The following SGMS2 variants were observed in gnomAD, a reference collection of about 807,000 sequenced individuals.
SGMS2 encodes phosphatidylcholine:ceramide cholinephosphotransferase 2.
Under a neutral mutation model 43.8 loss-of-function variants are expected in SGMS2, and 21 were observed. The ratio of observed to expected loss-of-function variants is 0.48; its 90% CI spans 0.34 to 0.69. The LOEUF is 0.69. Ranked by LOEUF, SGMS2 falls within the 30% of genes least tolerant of loss-of-function variation. The pLI, the probability that SGMS2 is intolerant of heterozygous loss-of-function variation, is 0.01. For missense variants in SGMS2, 384 were observed against 443.2 expected (o/e 0.87, Z 1.20); for synonymous variants, 167 against 160.6 (o/e 1.04, Z -0.30).
chr4:107,834,609 A>G (rs1006445163), intron 1 of SGMS2, among the ~76,000 whole-genome samples: 1 of 152,184 alleles, frequency 6.6e-6, no homozygotes, highest in Non-Finnish European at 1.5e-5. Context: ...CAATGTTATT[A>G]TGAAATCCCA....
intron 5 of SGMS2, among the ~76,000 whole-genome samples, chr4:107,906,384 A>T (rs891625210): frequency 6.6e-6 from 1 of 152,190 alleles, no homozygotes; most frequent in African/African-American, 2.4e-5. Flanking sequence ...GTTCATGATA[A>T]AATTAGCCTG....
Position 107,908,578 on chromosome 4 carries a change from C to T in SGMS2, c.741C>T (p.His247=), listed in dbSNP as rs753846430. ...TCTACTGTCCAGATTCGCCTCGTCA[C>T]TTCTGGTGGTATCATTTAATCTGCT... The part of the protein sequence containing the change: ...YLFIKEYSPR[H]FWWYHLICWL... The change falls in exon 6 of 7, where the codon CAC becomes CAT. Residue 247 remains histidine, a synonymous_variant. Transcript: ENST00000690982. 47 of 1,613,372 alleles carry T rather than the reference C, an allele frequency of 2.9e-5. No homozygotes were observed. The highest frequency in any genetic ancestry group is 5.0e-5 in the Admixed American group (3 of 59,892).
chr4:107,849,826 T>A (rs1727038800), intron 1 of SGMS2, among the ~76,000 whole-genome samples: 1 of 152,244 alleles, frequency 6.6e-6, no homozygotes, highest in African/African-American at 2.4e-5. Flanking sequence ...TATTCCATTA[T>A]TATTACATTA....
intron 1 of SGMS2, among the ~76,000 whole-genome samples, chr4:107,830,495 C>T (rs1725830295): frequency 6.6e-6 from 1 of 152,128 alleles, no homozygotes; most frequent in African/African-American, 2.4e-5. Context: ...ATTTACATTC[C>T]CACCAGCAGT....
At chr4:107,908,816 A>G (rs1433595230) in intron 6 of SGMS2, 85 bp downstream of exon 6, 1 of 1,237,242 alleles carries the variant, frequency 8.1e-7, no homozygotes, top group Non-Finnish European at 1.1e-6. Context: ...AGATAGCCTA[A>G]TGGGGATAAC....
chr4:107,850,771 T>C (rs1471858566), intron 1 of SGMS2, among the ~76,000 whole-genome samples: 1 of 152,226 alleles, frequency 6.6e-6, no homozygotes, highest in Non-Finnish European at 1.5e-5. Flanking sequence ...CCATTAGAGC[T>C]TGGGTGGTTT....
intron 1 of SGMS2, among the ~76,000 whole-genome samples, chr4:107,857,389 C>T (rs1218759242): frequency 6.6e-6 from 1 of 151,934 alleles, no homozygotes; most frequent in Admixed American, 6.6e-5. Flanking sequence ...AAGAGTGACA[C>T]ATTTGTTCTT....
chr4:107,875,033 A>G (rs1254836354), intron 2 of SGMS2, among the ~76,000 whole-genome samples: 1 of 152,236 alleles, frequency 6.6e-6, no homozygotes, highest in African/African-American at 2.4e-5. Flanking sequence ...ATAACAGTTT[A>G]AGTTCTAGGA....
intron 1 of SGMS2, among the ~76,000 whole-genome samples, chr4:107,832,030 G>A (rs1052877269): frequency 3.3e-5 from 5 of 152,024 alleles, no homozygotes; most frequent in African/African-American, 7.3e-5. Flanking sequence ...TACTGTCCTC[G>A]CCAGTGCTGT....
chr4:107,883,441 A>G (rs1323287086), intron 2 of SGMS2, among the ~76,000 whole-genome samples: 1 of 152,160 alleles, frequency 6.6e-6, no homozygotes, highest in African/African-American at 2.4e-5. Context: ...CAGCCTCCCA[A>G]GTAGCTGGGA....
chr4:107,862,924 G>A (rs1211796993), intron 2 of SGMS2, among the ~76,000 whole-genome samples: 1 of 152,206 alleles, frequency 6.6e-6, no homozygotes, highest in Non-Finnish European at 1.5e-5. Context: ...TCACTGGGCA[G>A]CCTGATAAAC....
intron 1 of SGMS2, among the ~76,000 whole-genome samples, chr4:107,832,015 A>G (rs999753502): frequency 7.9e-5 from 12 of 152,090 alleles, no homozygotes; most frequent in East Asian, 1.9e-4. Flanking sequence ...AAGAATCACA[A>G]ACCCTACTGT....
chr4:107,897,552 A>C (rs1256540635), intron 3 of SGMS2, among the ~76,000 whole-genome samples: 1 of 152,200 alleles, frequency 6.6e-6, no homozygotes, highest in African/African-American at 2.4e-5. Flanking sequence ...TGTGGACTCC[A>C]CCCTGAAGTA....
At chr4:107,892,234 C>CAA (rs34353350) in intron 2 of SGMS2, among the ~76,000 whole-genome samples, 197 of 74,986 alleles carry the variant, frequency 2.6e-3, no homozygotes, top group Non-Finnish European at 3.6e-3. Context: ...ACTAAAACTC[C>CAA]AAAAAAAAAA....
chr4:107,859,917 G>A (rs1212584055), intron 2 of SGMS2, among the ~76,000 whole-genome samples: 1 of 151,970 alleles, frequency 6.6e-6, no homozygotes, highest in Non-Finnish European at 1.5e-5. Flanking sequence ...AAAAAAAGGT[G>A]CTAGGTTGAT....
intron 2 of SGMS2, among the ~76,000 whole-genome samples, chr4:107,870,636 T>C (rs1276305503): frequency 6.6e-6 from 1 of 152,198 alleles, no homozygotes; most frequent in African/African-American, 2.4e-5. Context: ...CAGAATGTCA[T>C]TTTTGGTTTC....
intron 6 of SGMS2, 47 bp downstream of exon 6, chr4:107,908,778 G>T (rs1307536498): frequency 6.4e-7 from 1 of 1,554,776 alleles, no homozygotes; most frequent in Non-Finnish European, 8.8e-7. Context: ...TTTGAATGCA[G>T]TGGACCCTTT....
At chr4:107,840,257 C>T (rs1215710130) in intron 1 of SGMS2, among the ~76,000 whole-genome samples, 3 of 152,160 alleles carry the variant, frequency 2.0e-5, no homozygotes, top group Non-Finnish European at 2.9e-5. Context: ...CTTGATAGAA[C>T]TCTGATTTCC....
intron 1 of SGMS2, among the ~76,000 whole-genome samples, chr4:107,855,331 G>T (rs1489897568): frequency 6.6e-6 from 1 of 152,122 alleles, no homozygotes; most frequent in African/African-American, 2.4e-5. Context: ...GGCATATGGT[G>T]CTATAAAATT....
Sources: gnomAD v4.1 joint callset for allele counts (sites outside exome capture counted in the v4.1 genomes callset) on GRCh38, gnomAD v4.1.1 for gene constraint, MANE v1.5 for transcripts, NCBI Gene and HGNC (gene_info 2026-07-23, HGNC 2026-07-21) for gene names.